The following PCDH15 variants were observed in gnomAD, a reference collection of about 807,000 sequenced individuals.
PCDH15 encodes the protein protocadherin-15.
PCDH15 carries 129 observed loss-of-function variants against 178.5 expected under a neutral mutation model. That is an observed-to-expected ratio of 0.72 (90% CI 0.63 to 0.84). The LOEUF (loss-of-function observed/expected upper bound fraction) is 0.84. PCDH15 is among the 40% of genes least tolerant of loss of function. The pLI is 0.00. For synonymous variants in PCDH15, 800 were observed against 732.0 expected, an observed-to-expected ratio of 1.09 and a Z score of -1.50; for missense variants, 2,230 against 2,099.9, an observed-to-expected ratio of 1.06 and a Z score of -1.21.
intron 1 of PCDH15, among the ~76,000 whole-genome samples, chr10:54,735,154 T>C (rs533843297): frequency 6.6e-6 from 1 of 152,206 alleles, no homozygotes; most frequent in African/African-American, 2.4e-5. Context: ...GTTAAATCTA[T>C]ATATTTTATG....
intron 2 of PCDH15, among the ~76,000 whole-genome samples, chr10:55,569,076 C>T (rs1053622132): frequency 7.9e-5 from 12 of 151,990 alleles, no homozygotes; most frequent in African/African-American, 2.7e-4. Context: ...ATCACTTTGT[C>T]CACAATTCTA....
intron 1 of PCDH15, among the ~76,000 whole-genome samples, chr10:54,723,500 AATG>A (rs1408926229): frequency 1.3e-5 from 2 of 151,662 alleles, no homozygotes; most frequent in Non-Finnish European, 3.0e-5. Flanking sequence ...AATAATTTAT[AATG>A]ATGACCCTGA....
At chr10:54,910,511 C>A (rs971780238) in intron 2 of PCDH15, among the ~76,000 whole-genome samples, 3 of 152,114 alleles carry the variant, frequency 2.0e-5, no homozygotes, top group African/African-American at 7.2e-5. Flanking sequence ...AGATAGATGT[C>A]ATCATTGGAA....
intron 2 of PCDH15, among the ~76,000 whole-genome samples, chr10:55,490,766 G>C (rs1420953819): frequency 1.3e-5 from 2 of 151,662 alleles, no homozygotes; most frequent in African/African-American, 2.4e-5. Flanking sequence ...ACATTTAATA[G>C]AAAGCATAAC....
At chr10:54,262,260 G>T (rs1457294004) in intron 8 of PCDH15, among the ~76,000 whole-genome samples, 1 of 152,078 alleles carries the variant, frequency 6.6e-6, no homozygotes, top group Non-Finnish European at 1.5e-5. Flanking sequence ...CATACTGAGT[G>T]GCTAAGTTCC....
In PCDH15 at chr10:55,254,617, C is replaced by A. The variant is rs181138575; in HGVS notation, c.-156+64982G>T. ...TATCAAGATTGCCTTTCTCAAGGAA[C>A]CTACCATTTTTGAAGAAATTTAATC... On this transcript the variant is annotated intron_variant, in intron 1 of 5. Coordinates refer to the PCDH15 transcript ENST00000458638. Among the ~76,000 whole-genome samples the A allele has an allele frequency of 1.8e-3, 269 of 152,244 alleles. 2 individuals are homozygous for A. The highest frequency in any genetic ancestry group is 6.2e-3 in the African/African-American group (256 of 41,570).
chr10:53,978,134 A>C (rs2090341192), intron 21 of PCDH15, among the ~76,000 whole-genome samples: 2 of 152,170 alleles, frequency 1.3e-5, no homozygotes, highest in South Asian at 4.1e-4. Context: ...TCCACTAGGC[A>C]GTGCACCAGT....
chr10:54,271,803 A>AAAATAG (rs1200588915), intron 8 of PCDH15, among the ~76,000 whole-genome samples: 4 of 151,828 alleles, frequency 2.6e-5, no homozygotes, highest in Admixed American at 2.0e-4. Context: ...ATAACTCAGA[A>AAAATAG]AAATAGAATA....
chr10:55,472,025 C>T (rs529743788), intron 2 of PCDH15, among the ~76,000 whole-genome samples: 1 of 152,294 alleles, frequency 6.6e-6, no homozygotes, highest in African/African-American at 2.4e-5. Context: ...CTGAAGCAGG[C>T]TACAATAGGG....
At chr10:54,102,055 A>G (rs572130239) in intron 15 of PCDH15, among the ~76,000 whole-genome samples, 16 of 152,336 alleles carry the variant, frequency 1.1e-4, no homozygotes, top group African/African-American at 1.4e-4. Context: ...GACATATGGC[A>G]AGTGGAAAAA....
chr10:54,134,567 C>T (rs1379894170), intron 14 of PCDH15, among the ~76,000 whole-genome samples: 4 of 151,536 alleles, frequency 2.6e-5, no homozygotes, highest in Admixed American at 2.6e-4. Context: ...TCCTGGCTAA[C>T]ATGGTGAAAG....
intron 2 of PCDH15, among the ~76,000 whole-genome samples, chr10:55,083,374 A>T (rs955819947): frequency 2.0e-5 from 3 of 151,910 alleles, no homozygotes; most frequent in African/African-American, 4.8e-5. Flanking sequence ...TTTATAATTT[A>T]AAAAAGCTGC....
At chr10:55,409,464 A>G (rs1056693872) in intron 2 of PCDH15, among the ~76,000 whole-genome samples, 1 of 152,154 alleles carries the variant, frequency 6.6e-6, no homozygotes, top group Non-Finnish European at 1.5e-5. Context: ...GGTACAAATG[A>G]TGTTTCTTTG....
intron 25 of PCDH15, among the ~76,000 whole-genome samples, chr10:53,935,263 A>G (rs896164588): frequency 6.6e-6 from 1 of 152,228 alleles, no homozygotes; most frequent in African/African-American, 2.4e-5. Flanking sequence ...GCACCAAAAC[A>G]TAGGAAATAG....
chr10:54,772,433 T>G (rs912885226), intron 1 of PCDH15, among the ~76,000 whole-genome samples: 7 of 152,172 alleles, frequency 4.6e-5, no homozygotes, highest in African/African-American at 1.7e-4. Flanking sequence ...AAAATCACCT[T>G]AAAATTTTGT....
chr10:54,265,841 C>T (rs201264939), intron 8 of PCDH15, among the ~76,000 whole-genome samples: 1 of 151,970 alleles, frequency 6.6e-6, no homozygotes, highest in Non-Finnish European at 1.5e-5. Context: ...GACTTCTACA[C>T]CCAACTGACA....
At chr10:53,901,462 C>G (rs1315613173) in intron 26 of PCDH15, among the ~76,000 whole-genome samples, 1 of 152,096 alleles carries the variant, frequency 6.6e-6, no homozygotes, top group Non-Finnish European at 1.5e-5. Flanking sequence ...CTATCAACGT[C>G]GTTCAAGCTA....
intron 2 of PCDH15, among the ~76,000 whole-genome samples, chr10:54,942,197 GCT>G (rs1438989390): frequency 1.3e-5 from 2 of 151,966 alleles, no homozygotes; most frequent in Non-Finnish European, 2.9e-5. Flanking sequence ...GATACATGAT[GCT>G]CTCTGTTTTC....
At chr10:54,524,494 G>C (rs949167061) in intron 3 of PCDH15, among the ~76,000 whole-genome samples, 2 of 152,200 alleles carry the variant, frequency 1.3e-5, no homozygotes, top group African/African-American at 4.8e-5. Context: ...CTGTAAAGCA[G>C]CCAAGGACTC....
Sources: gnomAD v4.1 joint callset for allele counts (sites outside exome capture counted in the v4.1 genomes callset) on GRCh38, gnomAD v4.1.1 for gene constraint, MANE v1.5 for transcripts, NCBI Gene and HGNC (gene_info 2026-07-23, HGNC 2026-07-21) for gene names.